Variants in CHST11 observed in about 807,000 individuals in gnomAD.
CHST11 encodes the protein C4S-1.
CHST11 carries 9 observed loss-of-function variants against 30.4 expected under a neutral mutation model. The observed-to-expected ratio is 0.30, with a 90% CI of 0.18 to 0.52. The LOEUF (loss-of-function observed/expected upper bound fraction) is 0.52, where lower values mean the gene tolerates loss of function less well. CHST11 is among the 20% of genes least tolerant of loss of function. The pLI, the probability that CHST11 is intolerant of heterozygous loss-of-function variation, is 0.97. For missense variants in CHST11, 348 were observed against 460.6 expected, an observed-to-expected ratio of 0.76 and a Z score of 2.24; for synonymous variants, 152 against 187.8, an observed-to-expected ratio of 0.81 and a Z score of 1.56.
intron 1 of CHST11, among the ~76,000 whole-genome samples, chr12:104,477,443 A>C (rs914517273): frequency 6.6e-6 from 1 of 152,310 alleles, no homozygotes; most frequent in Non-Finnish European, 1.5e-5. Context: ...GAGGAAAAAC[A>C]TATGGAGAAA....
At chr12:104,693,117 T>C (rs562331612) in intron 2 of CHST11, among the ~76,000 whole-genome samples, 13 of 152,186 alleles carry the variant, frequency 8.5e-5, no homozygotes, top group African/African-American at 2.9e-4. Flanking sequence ...ATCTTATGTC[T>C]CAATTTCCTC....
At chr12:104,681,951 C>T (rs2039800990) in intron 2 of CHST11, among the ~76,000 whole-genome samples, 1 of 151,450 alleles carries the variant, frequency 6.6e-6, no homozygotes, top group South Asian at 2.1e-4. Context: ...CTGCCTCAGC[C>T]TCCCGAGTAG....
chr12:104,498,988 A>C (rs1922265), intron 1 of CHST11, among the ~76,000 whole-genome samples: 39,302 of 151,952 alleles, frequency 0.26, 5,495 homozygotes, highest in East Asian at 0.45. Flanking sequence ...CTACCACTCT[A>C]CCTCTCCAGA....
intron 1 of CHST11, among the ~76,000 whole-genome samples, chr12:104,554,530 C>G (rs529952882): frequency 7.2e-5 from 11 of 152,160 alleles, no homozygotes; most frequent in Non-Finnish European, 1.5e-4. Context: ...TCCATTTCCC[C>G]AGCTGCGTAA....
chr12:104,688,152 A>G (rs1030309136), intron 2 of CHST11, among the ~76,000 whole-genome samples: 3 of 152,220 alleles, frequency 2.0e-5, no homozygotes, highest in African/African-American at 7.2e-5. Context: ...AGAGGAAAAC[A>G]ATAGGGACCA....
intron 1 of CHST11, among the ~76,000 whole-genome samples, chr12:104,530,200 G>A (rs2038168351): frequency 6.6e-6 from 1 of 151,938 alleles, no homozygotes; most frequent in African/African-American, 2.4e-5. Context: ...GGGATACTGG[G>A]GACAACTTGC....
intron 2 of CHST11, among the ~76,000 whole-genome samples, chr12:104,652,221 A>G (rs2039496868): frequency 1.3e-5 from 2 of 152,322 alleles, no homozygotes; most frequent in South Asian, 4.1e-4. Flanking sequence ...AGTGCAATCA[A>G]ACTTGTAGTT....
chr12:104,746,054 A>T (rs1006364179), intron 2 of CHST11, among the ~76,000 whole-genome samples: 3 of 152,214 alleles, frequency 2.0e-5, no homozygotes, highest in Admixed American at 6.5e-5. Flanking sequence ...TTGCCCGTTT[A>T]GTATGATGTT....
rs10628757 is a variant in CHST11, at chr12:104,519,071, G to GGTGTGTGTGTGTGTGTGTGTGT, written c.118+61555_118+61576dup. On this transcript the variant is annotated intron_variant, in intron 1 of 2. Transcript: ENST00000303694. ...TTGAGGCCTAGGCCTGGACTCTTGA[G>GGTGTGTGTGTGTGTGTGTGTGT]GTGTGTGTGTGTGTGTGTGTGTGTG... 2.2e-3 allele frequency among the ~76,000 whole-genome samples: 304 copies of GGTGTGTGTGTGTGTGTGTGTGT among 139,616 alleles called. 2 individuals carry two copies. Among genetic ancestry groups the GGTGTGTGTGTGTGTGTGTGTGT allele is most frequent in the African/African-American group, 7.8e-3 (288 of 36,946 alleles). The allele number at this position is 139,616 out of a possible 152,430, so 91.6% of individuals were successfully genotyped here.
intron 2 of CHST11, among the ~76,000 whole-genome samples, chr12:104,730,695 C>T (rs148665604): frequency 9.8e-5 from 15 of 152,328 alleles, no homozygotes; most frequent in African/African-American, 3.1e-4. Flanking sequence ...TGAAAAGTCC[C>T]AGTCCAGGAT....
At chr12:104,548,583 G>T (rs1014594604) in intron 1 of CHST11, among the ~76,000 whole-genome samples, 3 of 152,182 alleles carry the variant, frequency 2.0e-5, no homozygotes, top group African/African-American at 7.2e-5. Flanking sequence ...ACTTTATTGA[G>T]AGCTTACTCT....
At chr12:104,473,915 TCACCACCAC>T (rs781715469) in intron 1 of CHST11, among the ~76,000 whole-genome samples, 2 of 151,466 alleles carry the variant, frequency 1.3e-5, no homozygotes, top group Non-Finnish European at 2.9e-5. Flanking sequence ...ATCACCATCA[TCACCACCAC>T]CACCACCACC....
At chr12:104,700,179 C>T (rs2039979688) in intron 2 of CHST11, among the ~76,000 whole-genome samples, 2 of 152,104 alleles carry the variant, frequency 1.3e-5, no homozygotes, top group South Asian at 4.1e-4. Context: ...TCTTATTCTT[C>T]CAACTAAATT....
chr12:104,732,903 AT>A (rs900600731), intron 2 of CHST11, among the ~76,000 whole-genome samples: 8 of 152,324 alleles, frequency 5.3e-5, no homozygotes, highest in South Asian at 2.1e-4. Flanking sequence ...AGTATTAAGT[AT>A]TTTTTTTAAG....
chr12:104,487,702 A>T (rs1565959625), intron 1 of CHST11, among the ~76,000 whole-genome samples: 1 of 151,528 alleles, frequency 6.6e-6, no homozygotes, highest in Admixed American at 6.6e-5. Context: ...AATCCTGTAA[A>T]AATGCATACG....
chr12:104,750,021 G>A (rs143923414), intron 2 of CHST11, among the ~76,000 whole-genome samples: 9 of 151,428 alleles, frequency 5.9e-5, no homozygotes, highest in East Asian at 1.9e-4. Flanking sequence ...GGTCTGCCCC[G>A]GATAACCTAG....
intron 1 of CHST11, among the ~76,000 whole-genome samples, chr12:104,528,528 C>T (rs2038150023): frequency 6.6e-6 from 1 of 152,204 alleles, no homozygotes; most frequent in Non-Finnish European, 1.5e-5. Context: ...ATCATGAGTT[C>T]ACTGGGTCCC....
At chr12:104,640,122 C>T (rs1004348442) in intron 2 of CHST11, among the ~76,000 whole-genome samples, 5 of 152,158 alleles carry the variant, frequency 3.3e-5, no homozygotes, top group Admixed American at 6.5e-5. Flanking sequence ...TCATTCACTG[C>T]GGGTGGAAAT....
intron 2 of CHST11, among the ~76,000 whole-genome samples, chr12:104,694,317 G>A (rs2039924753): frequency 6.6e-6 from 1 of 152,102 alleles, no homozygotes; most frequent in African/African-American, 2.4e-5. Context: ...CTGATCCTGT[G>A]GAATGTGGGT....
Sources: gnomAD v4.1 joint callset for allele counts (sites outside exome capture counted in the v4.1 genomes callset) on GRCh38, gnomAD v4.1.1 for gene constraint, MANE v1.5 for transcripts, NCBI Gene and HGNC (gene_info 2026-07-23, HGNC 2026-07-21) for gene names.